ABHD16A: variants seen among roughly 807,000 people sequenced by gnomAD.
ABHD16A encodes the protein phosphatidylserine lipase ABHD16A.
A neutral mutation model predicts 89.8 loss-of-function variants in ABHD16A; 47 were observed. That is an observed-to-expected ratio of 0.52 (90% CI 0.41 to 0.67). The LOEUF (loss-of-function observed/expected upper bound fraction) is 0.67. Ranked by LOEUF, ABHD16A falls within the 30% of genes least tolerant of loss-of-function variation. The probability of loss-of-function intolerance (pLI) is 0.00; values close to 1 mark genes in which losing one functional copy is unlikely to be tolerated. For missense variants in ABHD16A, 580 were observed against 734.6 expected (o/e 0.79, Z 2.43); for synonymous variants, 251 against 280.4 (o/e 0.90, Z 1.05).
intron 4 of ABHD16A, among the ~76,000 whole-genome samples, chr6:31,700,586 G>C (rs945454080): frequency 1.3e-5 from 2 of 152,062 alleles, no homozygotes; most frequent in African/African-American, 2.4e-5. Flanking sequence ...AATTGTTGTA[G>C]GGTATATGCA....
At position 31,693,773 on chromosome 6, in the gene ABHD16A, G is replaced by A. The variant is rs1404704961; in HGVS notation, c.430-341C>T. ...GAGTGACGGGTAGTAGGGGTCGCTG[G>A]CTGGTCACGGTCTATTCCCCACCTG... On this transcript the variant is annotated intron_variant, in intron 5 of 19. Coordinates refer to ENST00000395952, the MANE Select transcript of ABHD16A (RefSeq NM_021160.3). This position sits in a 1 kb window ranked among gnomAD's most constrained non-coding sequence, Gnocchi z 5.0. Among the ~76,000 whole-genome samples, 1 of 152,166 alleles carries A rather than the reference G, an allele frequency of 6.6e-6. No individual in the cohort carries two copies. Among genetic ancestry groups the A allele is most frequent in the Non-Finnish European group, 1.5e-5 (1 of 68,014 alleles).
At chr6:31,701,383 A>C in intron 2 of ABHD16A, 43 bp from the exon 3 acceptor site, 1 of 1,483,598 alleles carries the variant, frequency 6.7e-7, no homozygotes, top group Non-Finnish European at 9.4e-7. Flanking sequence ...ACACACACAC[A>C]CACACACCTG....
chr6:31,702,636 A>G (rs1805129163), intron 1 of ABHD16A: 1 of 1,518,654 alleles, frequency 6.6e-7, no homozygotes, highest in African/African-American at 1.4e-5. Flanking sequence ...TCTCCAGAAT[A>G]CAATGACTCG....
chr6:31,691,311 A>G (rs1803854540), intron 9 of ABHD16A: 1 of 440,420 alleles, frequency 2.3e-6, no homozygotes. Flanking sequence ...TGCTTCATAT[A>G]TATATGAGAA....
rs1803668302 is a variant in ABHD16A, at chr6:31,689,669, C to T, written c.993G>A (p.Met331Ile). The change falls in exon 12 of 20, where the codon ATG becomes ATA. Residue 331 changes from methionine to isoleucine, a missense_variant. Physicochemically the swap from Met to Ile is conservative, Grantham distance 10. Transcript: ENST00000395952. Reference protein sequence around the residue: ...VPFPQNEANAMDVVVQFAIHR... With the variant: ...VPFPQNEANAIDVVVQFAIHR... ...GGATGGCAAACTGGACCACCACATCCATGGCATTAGCCTCATTCTGCGGGA... is the reference window on the plus strand; with the variant it reads ...GGATGGCAAACTGGACCACCACATCTATGGCATTAGCCTCATTCTGCGGGA... 1 of 1,612,538 alleles carries T rather than the reference C, an allele frequency of 6.2e-7. No homozygotes were observed. Among genetic ancestry groups the T allele is most frequent in the Non-Finnish European group, 8.5e-7 (1 of 1,179,822 alleles).
At position 31,687,808 on chromosome 6, in the gene ABHD16A, C is replaced by A; in HGVS notation, c.1447+16G>T. 1.2e-6 allele frequency: 2 copies of A among 1,613,014 alleles called. No homozygotes were observed. The highest frequency in any genetic ancestry group is 2.2e-5 in the South Asian group (2 of 91,086). The stretch of plus-strand genomic sequence containing the variant: ...TGCTGGGCCCCCGCCCCAAGCCTCA[C>A]TGGATCCCTTCTCACCTTCCTCCAG... On this transcript the variant is annotated intron_variant, in intron 17 of 19. Coordinates refer to ENST00000395952, the MANE Select transcript of ABHD16A (RefSeq NM_021160.3). The surrounding 1 kb of genome is among the most constrained non-coding windows in gnomAD (Gnocchi z 6.3).
rs1031129387 is a variant in ABHD16A, at chr6:31,701,639, A to G, written c.190-299T>C. 3.9e-5 allele frequency among the ~76,000 whole-genome samples: 6 copies of G among 152,104 alleles called. No homozygotes were observed. The South Asian group carries it at 6.2e-4, about 16-fold the overall frequency. ...ACATTTAAAGGCAGTCTCTCTGTCT[A>G]CTCAAGTTAATCAAGCCTTTTCAAT... is the stretch of plus-strand genomic sequence containing the variant. On this transcript the variant is annotated intron_variant, in intron 2 of 19. Transcript: ENST00000395952.
At chr6:31,701,403 G>T in intron 2 of ABHD16A, 63 bp from the exon 3 acceptor site, 2 of 1,390,398 alleles carry the variant, frequency 1.4e-6, no homozygotes, top group South Asian at 1.2e-5. Flanking sequence ...GCCATTCCAG[G>T]CATATACTAT....
chr6:31,702,533 TAGG>T (rs1341422997), intron 1 of ABHD16A: 4 of 1,247,986 alleles, frequency 3.2e-6, no homozygotes, highest in Non-Finnish European at 3.2e-6. Context: ...AGAATGTGGG[TAGG>T]AGCGGGCAGT....
At position 31,702,120 on chromosome 6, in the gene ABHD16A, T is replaced by G; in HGVS notation, c.143A>C (p.Tyr48Ser). ...ATGTTTCTCCAGGGCACGGGGCTGA[T>G]AGTACGTATCCTGCCAAAACAGATG... ...APHSSSWDTY[Y>S]QPRALEKHAD... Residue 48 changes from tyrosine to serine, a missense_variant, in exon 2 of 20, where the codon TAT (tyrosine) becomes TCT (serine). By Grantham distance (144) the Tyr-to-Ser change is moderately radical. Around this residue, in one of 2 missense-constraint regions of ABHD16A, gnomAD observed 165 missense variants for 165.8 expected, o/e 1.00. Coordinates refer to ENST00000395952, the MANE Select transcript of ABHD16A (RefSeq NM_021160.3). The G allele has an allele frequency of 6.2e-7, 1 of 1,613,112 alleles. No homozygotes were observed. Among genetic ancestry groups the G allele is most frequent in the Non-Finnish European group, 8.5e-7 (1 of 1,180,038 alleles).
At position 31,698,917 on chromosome 6, in the gene ABHD16A, A is replaced by G. The variant is rs1804640103; in HGVS notation, c.344-1884T>C. Among the ~76,000 whole-genome samples, 1 of 152,156 alleles carries G rather than the reference A, an allele frequency of 6.6e-6. No individual in the cohort carries two copies. Among genetic ancestry groups the G allele is most frequent in the African/African-American group, 2.4e-5 (1 of 41,422 alleles). On this transcript the variant is annotated intron_variant, in intron 4 of 19. Coordinates refer to ENST00000395952, the MANE Select transcript of ABHD16A (RefSeq NM_021160.3). This position sits in a 1 kb window ranked among gnomAD's most constrained non-coding sequence, Gnocchi z 4.1. ...CTTATGTACCCACTAGGGGTAGGTG[A>G]TCTGTCCTCTTTATTTTTTTAAATT... is the stretch of plus-strand genomic sequence containing the variant.
In ABHD16A at chr6:31,688,862, G is replaced by A; in HGVS notation, c.1187-76C>T. ...CATAAAGGTCCTCACTATTCACGGA[G>A]AAAGAAAACTGAGGCCCCCAGACAA... On this transcript the variant is annotated intron_variant, in intron 13 of 19. Transcript: ENST00000395952. The surrounding 1 kb of genome is among the most constrained non-coding windows in gnomAD (Gnocchi z 4.9). 6.6e-7 allele frequency: 1 copy of A among 1,513,918 alleles called. No homozygotes were observed. The highest frequency in any genetic ancestry group is 1.4e-5 in the African/African-American group (1 of 72,252). 93.8% of individuals were successfully genotyped at this position (1,513,918 alleles called of 1,614,324 possible). A position where few individuals can be genotyped will look rare whatever the true frequency, so the allele number is the denominator to read the frequency against.
Position 31,703,201 on chromosome 6 carries a change from G to A in ABHD16A, c.81C>T (p.Ala27=). Residue 27 remains alanine, a synonymous_variant, in exon 1 of 20, where the codon GCC becomes GCT. Coordinates refer to ENST00000395952, the MANE Select transcript of ABHD16A (RefSeq NM_021160.3). ...YRERDSERAP[A]SVPETPTAVT... ...CTGCCGTTGGCGTCTCAGGGACGCTGGCCGGGGCCCTTTCAGAGTCCCTCT... is the reference window on the plus strand; with the variant it reads ...CTGCCGTTGGCGTCTCAGGGACGCTAGCCGGGGCCCTTTCAGAGTCCCTCT... The A allele has an allele frequency of 6.9e-7, 1 of 1,440,162 alleles. No individual in the cohort carries two copies. The highest frequency in any genetic ancestry group is 1.5e-5 in the South Asian group (1 of 67,670). 89.2% of individuals were successfully genotyped at this position (1,440,162 alleles called of 1,614,324 possible).
Position 31,688,737 on chromosome 6 carries a change from C to A in ABHD16A, c.1236G>T (p.Ala412=). 1 of 1,613,008 alleles carries A rather than the reference C, an allele frequency of 6.2e-7. No homozygotes were observed. The change falls in exon 14 of 20, where the codon GCG becomes GCT. Residue 412 remains alanine (A), a synonymous_variant. Coordinates refer to ENST00000395952, the MANE Select transcript of ABHD16A (RefSeq NM_021160.3). The surrounding 1 kb of genome is among the most constrained non-coding windows in gnomAD (Gnocchi z 4.9). The stretch of plus-strand genomic sequence containing the variant: ...CCGGCCCTCACCTGCACAGCTGCTC[C>A]GCGTTGTTTAGATTGAGATGCTGCC... The part of the protein sequence containing the change: ...TVRQHLNLNN[A]EQLCRYQGPV...
intron 12 of ABHD16A, 127 bp downstream of exon 12, chr6:31,689,454 C>T (rs927978090): frequency 7.6e-7 from 1 of 1,324,244 alleles, no homozygotes. Flanking sequence ...TCCAGGCCCA[C>T]TCAGAGATTC....
rs141653419 is a variant in ABHD16A, at chr6:31,687,269, C to T, written c.1620G>A (p.Glu540=). ...FLARKHLHNF[E]ATHCTPLPAQ... is the part of the protein sequence containing the mutation. ...CTGGGAGTGGGGTGCAGTGAGTGGC[C>T]TCAAAGTTGTGCAGATGCTTCCGAG... The change falls in exon 20 of 20, where the codon GAG becomes GAA. Residue 540 remains glutamate, a synonymous_variant. Transcript: ENST00000395952. The surrounding 1 kb of genome is among the most constrained non-coding windows in gnomAD (Gnocchi z 6.3). 1.2e-6 allele frequency: 2 copies of T among 1,612,798 alleles called. No homozygotes were observed. The highest frequency in any genetic ancestry group is 2.7e-5 in the African/African-American group (2 of 74,872).
chr6:31,693,055 C>A lies in ABHD16A; in HGVS notation c.598G>T (p.Val200Phe). 3.7e-6 allele frequency: 6 copies of A among 1,614,182 alleles called. No individual in the cohort carries two copies. Among genetic ancestry groups the A allele is most frequent in the Non-Finnish European group, 3.4e-6 (4 of 1,180,028 alleles). The change falls in exon 7 of 20, where the codon GTT (valine) becomes TTT (phenylalanine). Residue 200 changes from valine (V) to phenylalanine (F), a missense_variant. Transcript: ENST00000395952. The surrounding 1 kb of genome is among the most constrained non-coding windows in gnomAD (Gnocchi z 5.0). ...GTGATCTGACAAGGCAGCTTCTTAACCCGGTTGAGGAGGGTGTCTGCTGTC... is the reference window on the plus strand; with the variant it reads ...GTGATCTGACAAGGCAGCTTCTTAAACCGGTTGAGGAGGGTGTCTGCTGTC... ...RGTADTLLNRVKKLPCQITSY... is the reference protein window; with the variant it reads ...RGTADTLLNRFKKLPCQITSY...
intron 4 of ABHD16A, among the ~76,000 whole-genome samples, chr6:31,697,887 A>G (rs1433277717): frequency 6.6e-6 from 1 of 152,218 alleles, no homozygotes; most frequent in African/African-American, 2.4e-5. Flanking sequence ...GCTCTCAGAG[A>G]GCTGGCATTC....
chr6:31,693,058 G>T lies in ABHD16A; in HGVS notation c.595C>A (p.Arg199=). ...ATCTGACAAGGCAGCTTCTTAACCC[G>T]GTTGAGGAGGGTGTCTGCTGTCCCC... is the stretch of plus-strand genomic sequence containing the variant. ...HRGTADTLLN[R]VKKLPCQITS... is the part of the protein sequence containing the mutation. Residue 199 remains arginine (R), a synonymous_variant, in exon 7 of 20, where the codon CGG becomes AGG. Coordinates refer to ENST00000395952, the MANE Select transcript of ABHD16A (RefSeq NM_021160.3). The surrounding 1 kb of genome is among the most constrained non-coding windows in gnomAD (Gnocchi z 5.0). The T allele has an allele frequency of 6.2e-7, 1 of 1,614,182 alleles. No homozygotes were observed. The highest frequency in any genetic ancestry group is 8.5e-7 in the Non-Finnish European group (1 of 1,180,032).
Sources: allele counts gnomAD v4.1 joint callset (sites outside exome capture counted in the v4.1 genomes callset), GRCh38; gene constraint gnomAD v4.1.1; regional missense constraint gnomAD v4.1.1; non-coding constraint Gnocchi (gnomAD v3.1); transcripts MANE v1.5; gene names NCBI Gene and HGNC (gene_info 2026-07-23, HGNC 2026-07-21).